WTAP: variants seen among roughly 807,000 people sequenced by gnomAD.
The protein encoded by WTAP is WT1 associated protein.
WTAP carries 8 observed loss-of-function variants against 50.0 expected under a neutral mutation model. The observed-to-expected ratio is 0.16, with a 90% CI of 0.09 to 0.29. WTAP has a LOEUF of 0.29. Among genes scored for constraint, WTAP ranks in the 10% least tolerant of loss-of-function variants. The pLI, the probability that WTAP is intolerant of heterozygous loss-of-function variation, is 1.00. For missense variants in WTAP, 295 were observed against 470.7 expected, an observed-to-expected ratio of 0.63 and a Z score of 3.45; for synonymous variants, 194 against 169.0, an observed-to-expected ratio of 1.15 and a Z score of -1.15.
chr6:159,728,241 C>T (rs938004066), intron 1 of WTAP, among the ~76,000 whole-genome samples: 3 of 152,152 alleles, frequency 2.0e-5, no homozygotes, highest in African/African-American at 7.2e-5. Context: ...CCAAGTCTTA[C>T]CTTGGATCCC....
intron 3 of WTAP, chr6:159,741,551 G>A (rs1317127251): frequency 6.6e-6 from 1 of 152,198 alleles, no homozygotes; most frequent in Admixed American, 6.5e-5. Context: ...GAACATCAGT[G>A]ATATCAAAGT....
intron 6 of WTAP, among the ~76,000 whole-genome samples, chr6:159,751,411 T>C (rs1423065452): frequency 6.6e-6 from 1 of 152,236 alleles, no homozygotes; most frequent in African/African-American, 2.4e-5. Flanking sequence ...ATGAAATATA[T>C]ATACTTTGCA....
At chr6:159,744,718 C>T (rs1280879797) in intron 5 of WTAP, among the ~76,000 whole-genome samples, 3 of 151,890 alleles carry the variant, frequency 2.0e-5, no homozygotes, top group Non-Finnish European at 2.9e-5. Context: ...TTTTTTCCCA[C>T]TAACCCCCCC....
At chr6:159,753,340 G>T (rs1203768870) in intron 6 of WTAP, 120 bp from the exon 7 acceptor site, 5 of 1,350,826 alleles carry the variant, frequency 3.7e-6, no homozygotes, top group Non-Finnish European at 5.1e-6. Context: ...GGTAATTATG[G>T]GGAAGCATCT....
chr6:159,740,816 C>T (rs1392098061), intron 3 of WTAP, among the ~76,000 whole-genome samples: 1 of 151,858 alleles, frequency 6.6e-6, no homozygotes, highest in African/African-American at 2.4e-5. Flanking sequence ...GTTCTCCTGC[C>T]TCAGCCTCCC....
At position 159,753,624 on chromosome 6, in the gene WTAP, T is replaced by G; in HGVS notation, c.607+10T>G. ...AAAAGCAGTCAGGATGGTAAGGGGT[T>G]TGTTTCTTTTTGGAACGTTGTCTCA... On this transcript the variant is annotated intron_variant, in intron 7 of 7. Transcript: ENST00000621533. 3 of 1,590,552 alleles carry G rather than the reference T, an allele frequency of 1.9e-6. No individual in the cohort carries two copies. Among genetic ancestry groups the G allele is most frequent in the Non-Finnish European group, 1.7e-6 (2 of 1,169,026 alleles).
At chr6:159,731,732 G>A (rs1778582330) in intron 1 of WTAP, among the ~76,000 whole-genome samples, 1 of 152,164 alleles carries the variant, frequency 6.6e-6, no homozygotes, top group African/African-American at 2.4e-5. Flanking sequence ...AAATAGCACA[G>A]TATTTGGGCC....
At chr6:159,734,537 C>T (rs1362454109) in intron 1 of WTAP, among the ~76,000 whole-genome samples, 2 of 152,024 alleles carry the variant, frequency 1.3e-5, no homozygotes, top group Non-Finnish European at 2.9e-5. Flanking sequence ...TAGGGCTGGG[C>T]GTGATCCTTC....
upstream of WTAP, chr6:159,727,360 C>A: frequency 2.5e-6 from 2 of 795,522 alleles, no homozygotes; most frequent in South Asian, 1.9e-5. Flanking sequence ...GCGAACATGG[C>A]GGAGCGGGGA....
chr6:159,754,098 T>C (rs1287241923), intron 7 of WTAP, among the ~76,000 whole-genome samples: 1 of 152,238 alleles, frequency 6.6e-6, no homozygotes, highest in African/African-American at 2.4e-5. Flanking sequence ...CCATCCTTTT[T>C]AGTGCAAGTG....
In WTAP at chr6:159,748,545, A is replaced by C. The variant is rs1779703785; in HGVS notation, c.452+176A>C. On this transcript the variant is annotated intron_variant, in intron 6 of 7. Coordinates refer to ENST00000621533, the MANE Select transcript of WTAP (RefSeq NM_001270531.2). This position sits in a 1 kb window ranked among gnomAD's most constrained non-coding sequence, Gnocchi z 5.6. ...GGTTAATGTAAAACTTACCAGATGA[A>C]CCTTGTGTTTCAGCTTTTTTCTTTT... 1 of 1,360,850 alleles carries C rather than the reference A, an allele frequency of 7.3e-7. No individual in the cohort carries two copies. Among genetic ancestry groups the C allele is most frequent in the East Asian group, 2.7e-5 (1 of 36,724 alleles). 84.3% of individuals were successfully genotyped at this position (1,360,850 alleles called of 1,614,324 possible).
intron 1 of WTAP, chr6:159,731,106 A>T (rs1349262875): frequency 6.6e-6 from 1 of 152,210 alleles, no homozygotes; most frequent in East Asian, 1.9e-4. Context: ...ATGCCCGTGC[A>T]CTCCAGCCTG....
rs1040853134 is a variant in WTAP, at chr6:159,738,007, C to A, written c.31-983C>A. Among the ~76,000 whole-genome samples, 2 of 152,292 alleles carry A rather than the reference C, an allele frequency of 1.3e-5. 1 individual carries two copies. The highest frequency in any genetic ancestry group is 4.1e-4 in the South Asian group (2 of 4,830). On this transcript the variant is annotated intron_variant, in intron 2 of 7. Coordinates refer to ENST00000621533, the MANE Select transcript of WTAP (RefSeq NM_001270531.2). The stretch of plus-strand genomic sequence containing the variant: ...AGCCTGCTTCATTGTTAACACCTTG[C>A]GTGACTAGCAGACATCTCTAATAAC...
intron 5 of WTAP, among the ~76,000 whole-genome samples, chr6:159,746,037 T>C (rs1235824200): frequency 6.6e-6 from 1 of 152,170 alleles, no homozygotes; most frequent in Non-Finnish European, 1.5e-5. Flanking sequence ...AGTGTGGTGT[T>C]AGGAAAACAG....
At chr6:159,746,841 A>G (rs1452571770) in intron 5 of WTAP, among the ~76,000 whole-genome samples, 1 of 152,124 alleles carries the variant, frequency 6.6e-6, no homozygotes, top group African/African-American at 2.4e-5. Context: ...TTCTAGTCTG[A>G]TTCACCTCTC....
Position 159,735,627 on chromosome 6 carries a change from T to C in WTAP, c.-8-631T>C, listed in dbSNP as rs538038462. 2.2e-4 allele frequency among the ~76,000 whole-genome samples: 33 copies of C among 152,190 alleles called. No individual in the cohort carries two copies. In the South Asian group the frequency reaches 6.4e-3, roughly 30 times the overall value. ...AGCCAGGTGTGGTGGCACGCACCTG[T>C]AGTCCCAGCTATTTAGGGGGCTGAG... On this transcript the variant is annotated intron_variant, in intron 1 of 7. Transcript: ENST00000621533.
intron 1 of WTAP, among the ~76,000 whole-genome samples, chr6:159,735,766 A>T (rs1778875694): frequency 6.6e-6 from 1 of 152,084 alleles, no homozygotes; most frequent in African/African-American, 2.4e-5. Context: ...ATAAAAATAA[A>T]ATATATAATA....
chr6:159,729,042 ATTGT>A (rs1302020811), intron 1 of WTAP, among the ~76,000 whole-genome samples: 2 of 152,124 alleles, frequency 1.3e-5, no homozygotes, highest in African/African-American at 2.4e-5. Context: ...ATTTTTGTGT[ATTGT>A]TTGTCAGAAA....
chr6:159,747,486 T>G (rs569742927), intron 5 of WTAP, among the ~76,000 whole-genome samples: 129 of 152,328 alleles, frequency 8.5e-4, no homozygotes, highest in South Asian at 8.3e-4. Context: ...GGGAAAAATA[T>G]GAATTATACT....
Sources: gnomAD v4.1 joint callset for allele counts (sites outside exome capture counted in the v4.1 genomes callset) on GRCh38, gnomAD v4.1.1 for gene constraint, Gnocchi (gnomAD v3.1) non-coding constraint, MANE v1.5 for transcripts, NCBI Gene and HGNC (gene_info 2026-07-23, HGNC 2026-07-21) for gene names.